Variants in ATP8A2 observed in about 807,000 individuals in gnomAD.
The protein encoded by ATP8A2 is phospholipid-transporting ATPase IB.
Under a neutral mutation model 165.6 loss-of-function variants are expected in ATP8A2, and 100 were observed. The observed-to-expected ratio is 0.60, with a 90% CI of 0.51 to 0.71. The LOEUF (loss-of-function observed/expected upper bound fraction) is 0.71. Ranked by LOEUF, ATP8A2 falls within the 30% of genes least tolerant of loss-of-function variation. The pLI is 0.00. For synonymous variants in ATP8A2, 543 were observed against 548.8 expected, an observed-to-expected ratio of 0.99 and a Z score of 0.15; for missense variants, 1,227 against 1,479.5, an observed-to-expected ratio of 0.83 and a Z score of 2.80.
At chr13:25,776,191 C>G (rs535158535) in intron 27 of ATP8A2, among the ~76,000 whole-genome samples, 1 of 152,232 alleles carries the variant, frequency 6.6e-6, no homozygotes, top group East Asian at 1.9e-4. Flanking sequence ...TTCGCCAAGA[C>G]GTGTGCACTT....
chr13:25,698,663 CT>C (rs1427583593), intron 24 of ATP8A2, among the ~76,000 whole-genome samples: 2 of 152,106 alleles, frequency 1.3e-5, no homozygotes, highest in African/African-American at 4.8e-5. Context: ...TGATTAGATA[CT>C]TTCTATAACA....
At chr13:25,427,206 T>C (rs947412568) in intron 1 of ATP8A2, among the ~76,000 whole-genome samples, 6 of 152,058 alleles carry the variant, frequency 3.9e-5, no homozygotes, top group Non-Finnish European at 7.4e-5. Context: ...CTGCCTGAGC[T>C]CCGCCTCCTG....
Position 25,427,484 on chromosome 13 carries a change from C to T in ATP8A2, c.77-41493C>T, listed in dbSNP as rs558040149. Among the ~76,000 whole-genome samples, 152 of 152,230 alleles carry T rather than the reference C, an allele frequency of 1.0e-3. 1 individual carries two copies. Among genetic ancestry groups the T allele is most frequent in the African/African-American group, 3.2e-3 (131 of 41,542 alleles). The stretch of plus-strand genomic sequence containing the variant: ...GAATCATCCTGAAACTATCCCTCCA[C>T]GCCCGGGTCATGGGAAAATTGTCTT... On this transcript the variant is annotated intron_variant, in intron 1 of 36. Transcript: ENST00000381655.
intron 33 of ATP8A2, among the ~76,000 whole-genome samples, chr13:25,878,614 A>G (rs1186464339): frequency 1.3e-5 from 2 of 151,812 alleles, no homozygotes; most frequent in African/African-American, 2.4e-5. Flanking sequence ...TTTTGTGCCA[A>G]CCTTGTATCT....
intron 36 of ATP8A2, among the ~76,000 whole-genome samples, chr13:26,019,147 A>G (rs984407204): frequency 6.6e-6 from 1 of 152,148 alleles, no homozygotes; most frequent in Non-Finnish European, 1.5e-5. Context: ...TAATCCCAGC[A>G]CTTTGGGAGG....
At chr13:25,847,268 G>A (rs947418816) in intron 30 of ATP8A2, among the ~76,000 whole-genome samples, 3 of 152,182 alleles carry the variant, frequency 2.0e-5, no homozygotes, top group South Asian at 2.1e-4. Flanking sequence ...TTACTAACCC[G>A]ATCATAGTAC....
At chr13:25,373,190 G>T (rs113780681) in intron 1 of ATP8A2, among the ~76,000 whole-genome samples, 1 of 152,172 alleles carries the variant, frequency 6.6e-6, no homozygotes, top group Non-Finnish European at 1.5e-5. Context: ...TTTGCAGGTA[G>T]ATCTTTGACA....
intron 27 of ATP8A2, among the ~76,000 whole-genome samples, chr13:25,820,233 G>C (rs998367523): frequency 1.3e-4 from 20 of 152,110 alleles, no homozygotes; most frequent in Admixed American, 2.6e-4. Context: ...AGCAAAGAAG[G>C]GTCTTTTTTT....
intron 33 of ATP8A2, among the ~76,000 whole-genome samples, chr13:25,896,952 A>G (rs1375390752): frequency 2.0e-5 from 3 of 152,094 alleles, no homozygotes; most frequent in Non-Finnish European, 4.4e-5. Context: ...GGGTTTCCTG[A>G]ATACAGCACA....
At chr13:25,970,736 G>T in intron 35 of ATP8A2, among the ~76,000 whole-genome samples, 1 of 152,168 alleles carries the variant, frequency 6.6e-6, no homozygotes, top group East Asian at 1.9e-4. Context: ...CTTCACTTTG[G>T]CAGGAGAGTC....
At chr13:25,546,222 G>A (rs927195032) in intron 10 of ATP8A2, among the ~76,000 whole-genome samples, 33 of 152,294 alleles carry the variant, frequency 2.2e-4, no homozygotes, top group Admixed American at 1.5e-3. Context: ...CACTGAGTTT[G>A]CATTTTGTGA....
At chr13:25,619,976 A>G (rs2040928923) in intron 24 of ATP8A2, among the ~76,000 whole-genome samples, 1 of 152,234 alleles carries the variant, frequency 6.6e-6, no homozygotes, top group African/African-American at 2.4e-5. Flanking sequence ...GAGAAAACCC[A>G]GAAGGGCAGT....
At chr13:25,643,885 A>G (rs1261461892) in intron 24 of ATP8A2, among the ~76,000 whole-genome samples, 3 of 151,988 alleles carry the variant, frequency 2.0e-5, no homozygotes, top group African/African-American at 7.2e-5. Context: ...ATTCCTGTCT[A>G]TGAACATTGT....
At chr13:25,521,384 A>G (rs1593452613) in intron 2 of ATP8A2, among the ~76,000 whole-genome samples, 2 of 151,960 alleles carry the variant, frequency 1.3e-5, no homozygotes, top group Non-Finnish European at 2.9e-5. Context: ...GCTTGATGTA[A>G]CCTTATTTGT....
At chr13:25,719,626 C>T (rs555257844) in intron 25 of ATP8A2, among the ~76,000 whole-genome samples, 2 of 152,324 alleles carry the variant, frequency 1.3e-5, no homozygotes, top group African/African-American at 4.8e-5. Flanking sequence ...AATCATTTAA[C>T]ATCCATTCCA....
At chr13:25,463,621 C>A (rs1016194248) in intron 1 of ATP8A2, among the ~76,000 whole-genome samples, 1 of 152,158 alleles carries the variant, frequency 6.6e-6, no homozygotes, top group African/African-American at 2.4e-5. Flanking sequence ...CAGTGACTTC[C>A]ACATTCTTAT....
intron 24 of ATP8A2, among the ~76,000 whole-genome samples, chr13:25,671,964 C>T (rs990631606): frequency 6.6e-6 from 1 of 152,134 alleles, no homozygotes; most frequent in African/African-American, 2.4e-5. Flanking sequence ...CCCCGGATGC[C>T]CGGCTTTAAA....
chr13:25,375,307 A>T (rs74819364), intron 1 of ATP8A2, among the ~76,000 whole-genome samples: 2,531 of 152,326 alleles, frequency 0.017, 30 homozygotes, highest in Non-Finnish European at 0.026. Flanking sequence ...CTAGGCAGTG[A>T]CTACAGTGCA....
intron 24 of ATP8A2, among the ~76,000 whole-genome samples, chr13:25,642,691 G>T (rs1160071132): frequency 6.6e-6 from 1 of 151,552 alleles, no homozygotes; most frequent in East Asian, 1.9e-4. Flanking sequence ...TTGACTATTT[G>T]ACTCAGCCAT....
Sources: allele counts gnomAD v4.1 joint callset (sites outside exome capture counted in the v4.1 genomes callset), GRCh38; gene constraint gnomAD v4.1.1; transcripts MANE v1.5; gene names NCBI Gene and HGNC (gene_info 2026-07-23, HGNC 2026-07-21).